NRK: variants seen among roughly 807,000 people sequenced by gnomAD.
NRK encodes the protein Nik related kinase.
NRK carries 67 observed loss-of-function variants against 125.2 expected under a neutral mutation model. The observed-to-expected ratio is 0.54, with a 90% CI of 0.44 to 0.66. NRK has a LOEUF of 0.66. NRK is among the 30% of genes least tolerant of loss of function. The probability of loss-of-function intolerance (pLI) is 0.00; values close to 1 mark genes in which losing one functional copy is unlikely to be tolerated. For missense variants in NRK, 1,224 were observed against 1,192.9 expected (o/e 1.03, Z -0.38); for synonymous variants, 458 against 429.0 (o/e 1.07, Z -0.84).
At chrX:105,882,862 G>T (rs1352057331) in intron 4 of NRK, among the ~76,000 whole-genome samples, 1 of 111,807 alleles carries the variant, frequency 8.9e-6, no homozygotes, top group Non-Finnish European at 1.9e-5. Context: ...TGGAAAATAT[G>T]ATTATTTTAT....
At chrX:105,893,146 G>T (rs1403193782) in intron 5 of NRK, among the ~76,000 whole-genome samples, 1 of 111,337 alleles carries the variant, frequency 9.0e-6, no homozygotes, top group Non-Finnish European at 1.9e-5. Flanking sequence ...GAGAAACTGA[G>T]TTTATTAATA....
At chrX:105,866,073 G>C (rs1400853875) in intron 2 of NRK, among the ~76,000 whole-genome samples, 3 of 108,274 alleles carry the variant, frequency 2.8e-5, no homozygotes, top group Non-Finnish European at 5.7e-5. Flanking sequence ...TTTAATCTCT[G>C]TTATGAATTC....
chrX:105,938,122 A>G (rs1203440333), intron 22 of NRK, among the ~76,000 whole-genome samples: 1 of 111,823 alleles, frequency 8.9e-6, no homozygotes, highest in African/African-American at 3.3e-5. Flanking sequence ...TTAGAATACA[A>G]GAAAGCAAGT....
At chrX:105,847,562 G>C (rs889029784) in intron 2 of NRK, among the ~76,000 whole-genome samples, 39 of 111,995 alleles carry the variant, frequency 3.5e-4, no homozygotes, top group African/African-American at 1.0e-3. Flanking sequence ...AATTAGACAT[G>C]CTATTGATAT....
intron 2 of NRK, among the ~76,000 whole-genome samples, chrX:105,846,669 C>T (rs959308205): frequency 1.8e-5 from 2 of 111,451 alleles, no homozygotes; most frequent in African/African-American, 6.5e-5. Context: ...CCAGAAACAA[C>T]GTCACCATCT....
At chrX:105,906,315 C>A in intron 10 of NRK, 99 bp from the exon 11 acceptor site, 2 of 411,881 alleles carry the variant, frequency 4.9e-6, no homozygotes, top group Non-Finnish European at 8.1e-6. Context: ...AGGCAACTCT[C>A]TCCAAATATG....
intron 1 of NRK, among the ~76,000 whole-genome samples, chrX:105,824,775 G>T (rs1323990726): frequency 9.0e-6 from 1 of 111,194 alleles, no homozygotes; most frequent in East Asian, 2.8e-4. Context: ...GGTTGGTGGA[G>T]TGGGTGTGTG....
At chrX:105,938,610 A>G (rs1193984037) in intron 22 of NRK, among the ~76,000 whole-genome samples, 1 of 112,093 alleles carries the variant, frequency 8.9e-6, no homozygotes, top group Non-Finnish European at 1.9e-5. Context: ...CTCTAACCCA[A>G]ATATGTTCTT....
At chrX:105,925,407 G>A (rs938153306) in intron 19 of NRK, among the ~76,000 whole-genome samples, 12 of 111,331 alleles carry the variant, frequency 1.1e-4, no homozygotes, top group Non-Finnish European at 1.9e-4. Context: ...AGGGTATTTA[G>A]CATGTCTATC....
intron 3 of NRK, among the ~76,000 whole-genome samples, 161 bp from the exon 4 acceptor site, chrX:105,881,547 T>G (rs761297715): frequency 8.9e-6 from 1 of 112,059 alleles, no homozygotes; most frequent in Non-Finnish European, 1.9e-5. Context: ...CTGTATGTCA[T>G]AAGAATTTGG....
chrX:105,849,635 A>G (rs1439772485), intron 2 of NRK, among the ~76,000 whole-genome samples: 1 of 111,814 alleles, frequency 8.9e-6, no homozygotes. Context: ...TTGTAAATAC[A>G]CCTGTTGCAA....
Position 105,822,771 on chromosome X carries a change from C to T in NRK, c.-75C>T. The T allele has an allele frequency of 1.0e-6, 1 of 977,360 alleles. No homozygotes were observed. The highest frequency in any genetic ancestry group is 1.4e-6 in the Non-Finnish European group (1 of 698,380). The allele number at this position is 977,360 out of a possible 1,213,427, so 80.5% of individuals were successfully genotyped here. On this transcript the variant is annotated 5_prime_UTR_variant, in exon 1 of 29. Coordinates refer to ENST00000243300, the MANE Select transcript of NRK (RefSeq NM_198465.4). ...CCTCCTTCCTCTCTCCTCCCTTCAA[C>T]TCTTCATCCGCTTCCACCTCAGACT... is the stretch of plus-strand genomic sequence containing the variant.
At position 105,831,093 on chromosome X, in the gene NRK, C is replaced by A; in HGVS notation, c.97C>A (p.Leu33Ile). 1 of 1,154,428 alleles carries A rather than the reference C, an allele frequency of 8.7e-7. No individual in the cohort carries two copies. Among genetic ancestry groups the A allele is most frequent in the Non-Finnish European group, 1.2e-6 (1 of 848,255 alleles). The change falls in exon 2 of 29, where the codon CTT becomes ATT. Residue 33 changes from leucine (L) to isoleucine (I), a missense_variant. Transcript: ENST00000243300. ...ATTCTCACTAGATAAAACCATTGGCCTTGGTACTTATGGCAGAATCTATTT... is the reference window on the plus strand; with the variant it reads ...ATTCTCACTAGATAAAACCATTGGCATTGGTACTTATGGCAGAATCTATTT... ...GIFSLDKTIG[L>I]GTYGRIYLGL...
intron 11 of NRK, chrX:105,907,274 T>G (rs1448936667): frequency 1.8e-5 from 2 of 111,252 alleles, no homozygotes; most frequent in Non-Finnish European, 3.8e-5. Flanking sequence ...CCAGGATGGA[T>G]TTTCACCAAG....
chrX:105,923,453 T>G lies in NRK; in HGVS notation c.2946T>G (p.Asn982Lys). ...DNNKFVDDVN[N>K]NYYEAPSCPR... ...ATAAGTTTGTTGATGATGTAAATAA[T>G]AATTATTATGAGGCGCCTAGTTGTC... Residue 982 changes from asparagine (N) to lysine (K), a missense_variant, in exon 18 of 29, where the codon AAT (asparagine) becomes AAG (lysine). Coordinates refer to ENST00000243300, the MANE Select transcript of NRK (RefSeq NM_198465.4). 1 of 1,143,391 alleles carries G rather than the reference T, an allele frequency of 8.7e-7. No individual in the cohort carries two copies. Among genetic ancestry groups the G allele is most frequent in the Non-Finnish European group, 1.2e-6 (1 of 856,832 alleles). 94.2% of individuals were successfully genotyped at this position (1,143,391 alleles called of 1,213,427 possible). A position where few individuals can be genotyped will look rare whatever the true frequency, so the allele number is the denominator to read the frequency against.
chrX:105,882,259 C>CG (rs35476106), intron 4 of NRK, among the ~76,000 whole-genome samples: 2,052 of 109,790 alleles, frequency 0.019, 21 homozygotes, highest in Non-Finnish European at 0.029. Context: ...CCCACCCCCC[C>CG]GCTTTTTGTA....
chrX:105,953,264 A>G (rs2040926094), intron 28 of NRK, 91 bp downstream of exon 28: 1 of 706,398 alleles, frequency 1.4e-6, no homozygotes. Flanking sequence ...CCTTCTGGCT[A>G]TAAATATATT....
rs1007921996 is a variant in NRK at position 105,912,691 on chromosome X, C to T, written c.2285C>T (p.Ser762Leu). The T allele has an allele frequency of 3.5e-6, 4 of 1,131,463 alleles. No homozygotes were observed. The highest frequency in any genetic ancestry group is 2.7e-5 in the Admixed American group (1 of 37,145). 93.2% of individuals were successfully genotyped at this position (1,131,463 alleles called of 1,213,427 possible). A position where few individuals can be genotyped will look rare whatever the true frequency, so the allele number is the denominator to read the frequency against. Reference protein sequence around the residue: ...ESSDNDEVFHSIQAEVQIEPL... With the variant: ...ESSDNDEVFHLIQAEVQIEPL... ...TCAGACAATGATGAAGTATTTCATT[C>T]GATTCAGGCTGAAGTCCAGATAGAG... Residue 762 changes from serine to leucine, a missense_variant, in exon 14 of 29, where the codon TCG (serine) becomes TTG (leucine). Physicochemically the swap from Ser to Leu is moderately radical, Grantham distance 145. Coordinates refer to ENST00000243300, the MANE Select transcript of NRK (RefSeq NM_198465.4).
At chrX:105,832,041 G>A (rs1367832937) in intron 2 of NRK, among the ~76,000 whole-genome samples, 1 of 111,568 alleles carries the variant, frequency 9.0e-6, no homozygotes, top group Non-Finnish European at 1.9e-5. Flanking sequence ...AGGGACTTGA[G>A]CATGCCCTGA....
Sources: allele counts gnomAD v4.1 joint callset (sites outside exome capture counted in the v4.1 genomes callset), GRCh38; gene constraint gnomAD v4.1.1; transcripts MANE v1.5; gene names NCBI Gene and HGNC (gene_info 2026-07-23, HGNC 2026-07-21).